The following FAF1 variants were observed in gnomAD, a reference collection of about 807,000 sequenced individuals.
FAF1 encodes the protein Fas associated factor 1, also known as FAS-associated factor 1.
A neutral mutation model predicts 92.5 loss-of-function variants in FAF1; 25 were observed. The ratio of observed to expected loss-of-function variants is 0.27; its 90% CI spans 0.20 to 0.38. FAF1 has a LOEUF of 0.38. FAF1 is among the 10% of genes least tolerant of loss of function. The pLI is 1.00. For missense variants in FAF1, 636 were observed against 793.3 expected, an observed-to-expected ratio of 0.80 and a Z score of 2.38; for synonymous variants, 234 against 273.2, an observed-to-expected ratio of 0.86 and a Z score of 1.42.
chr1:50,682,557 A>G (rs1656470734), intron 7 of FAF1, among the ~76,000 whole-genome samples: 1 of 152,160 alleles, frequency 6.6e-6, no homozygotes, highest in South Asian at 2.1e-4. Flanking sequence ...TATTAAACCT[A>G]TTGTTTAAAA....
In FAF1 at chr1:50,438,439, A is replaced by G. The variant is rs1327645929; in HGVS notation, c.*3001T>C. The G allele has an allele frequency of 6.6e-6, 1 of 152,254 alleles. No individual in the cohort carries two copies. The highest frequency in any genetic ancestry group is 2.4e-5 in the African/African-American group (1 of 41,446). The allele number at this position is 152,254 out of a possible 1,614,324, so 9.4% of individuals were successfully genotyped here. On this transcript the variant is annotated 3_prime_UTR_variant, in exon 19 of 19. Transcript: ENST00000396153. ...TCTAAGAATTTTAAAAAGGATCAAAAGAGAAAATACAGGTGAAAGGGTTAC... is the reference window on the plus strand; with the variant it reads ...TCTAAGAATTTTAAAAAGGATCAAAGGAGAAAATACAGGTGAAAGGGTTAC...
At chr1:50,771,141 C>T (rs537317444) in intron 4 of FAF1, among the ~76,000 whole-genome samples, 1 of 152,164 alleles carries the variant, frequency 6.6e-6, no homozygotes, top group African/African-American at 2.4e-5. Flanking sequence ...CCTAAAACTA[C>T]AAAAACCCTA....
chr1:50,948,888 G>C (rs1645192705), intron 1 of FAF1, among the ~76,000 whole-genome samples: 1 of 152,052 alleles, frequency 6.6e-6, no homozygotes, highest in Non-Finnish European at 1.5e-5. Flanking sequence ...TCATCACCAA[G>C]GGGATGGTGC....
intron 2 of FAF1, among the ~76,000 whole-genome samples, chr1:50,836,951 C>CTTTTT (rs528322924): frequency 2.9e-3 from 225 of 76,676 alleles, no homozygotes; most frequent in Middle Eastern, 0.015. Context: ...TGTTATGTTT[C>CTTTTT]TTTTTTTTTT....
intron 8 of FAF1, among the ~76,000 whole-genome samples, chr1:50,653,635 G>T (rs1239573524): frequency 2.0e-5 from 3 of 152,138 alleles, no homozygotes; most frequent in Non-Finnish European, 4.4e-5. Context: ...GGAGGCCGAG[G>T]CAGGCTGGTC....
chr1:50,779,896 C>T (rs959416764), intron 4 of FAF1, among the ~76,000 whole-genome samples: 2 of 151,034 alleles, frequency 1.3e-5, no homozygotes, highest in Non-Finnish European at 2.9e-5. Context: ...CAGCCTGGGC[C>T]GCTTAGTGAG....
intron 6 of FAF1, among the ~76,000 whole-genome samples, chr1:50,726,070 T>G (rs535861322): frequency 9.2e-5 from 14 of 151,634 alleles, no homozygotes; most frequent in African/African-American, 3.4e-4. Flanking sequence ...CTGGCCAAGA[T>G]GGTGAAACCC....
At chr1:50,582,903 G>A (rs1651055794) in intron 11 of FAF1, among the ~76,000 whole-genome samples, 2 of 151,948 alleles carry the variant, frequency 1.3e-5, no homozygotes, top group South Asian at 4.2e-4. Context: ...TAAAATACTG[G>A]AATTTTAAGT....
At chr1:50,622,945 G>A (rs755809664) in intron 8 of FAF1, among the ~76,000 whole-genome samples, 1 of 152,122 alleles carries the variant, frequency 6.6e-6, no homozygotes, top group East Asian at 1.9e-4. Context: ...CTTCCTCTAG[G>A]ACCTGATTCT....
At chr1:50,535,575 TA>T (rs1648432814) in intron 14 of FAF1, 118 bp from the exon 15 acceptor site, 2 of 550,830 alleles carry the variant, frequency 3.6e-6, no homozygotes, top group South Asian at 3.4e-5. Flanking sequence ...ATAATCAGTC[TA>T]AAAAAATTAC....
At chr1:50,710,706 G>A (rs777787103) in intron 6 of FAF1, among the ~76,000 whole-genome samples, 13 of 148,796 alleles carry the variant, frequency 8.7e-5, no homozygotes, top group Non-Finnish European at 1.8e-4. Flanking sequence ...GGGTTCAAGC[G>A]ATTCTCCTGC....
At chr1:50,846,943 T>C (rs191391491) in intron 2 of FAF1, 2 of 261,014 alleles carry the variant, frequency 7.7e-6, no homozygotes, top group African/African-American at 4.6e-5. Context: ...TATATAAGAG[T>C]GTATTGCAGG....
chr1:50,450,541 C>T (rs1345668535), intron 18 of FAF1, among the ~76,000 whole-genome samples: 1 of 152,224 alleles, frequency 6.6e-6, no homozygotes, highest in African/African-American at 2.4e-5. Flanking sequence ...CTGCACTCTG[C>T]TGCTATGTCA....
chr1:50,464,783 C>G (rs145418394), intron 18 of FAF1, among the ~76,000 whole-genome samples: 1 of 152,176 alleles, frequency 6.6e-6, no homozygotes, highest in Non-Finnish European at 1.5e-5. Flanking sequence ...ATTATCCTCA[C>G]TTGAAAGATG....
At chr1:50,677,895 C>CAAAAAAAA (rs1036524797) in intron 7 of FAF1, among the ~76,000 whole-genome samples, 2 of 62,544 alleles carry the variant, frequency 3.2e-5, no homozygotes, top group Non-Finnish European at 6.4e-5. Flanking sequence ...AACTCTGCCT[C>CAAAAAAAA]AAAAAAAAAA....
intron 15 of FAF1, among the ~76,000 whole-genome samples, chr1:50,500,587 A>T (rs1646972015): frequency 6.6e-6 from 1 of 152,182 alleles, no homozygotes; most frequent in Non-Finnish European, 1.5e-5. Flanking sequence ...CATAGGAGAA[A>T]ATAGTGACCT....
chr1:50,751,279 C>A (rs1408849370), intron 4 of FAF1, among the ~76,000 whole-genome samples: 1 of 151,964 alleles, frequency 6.6e-6, no homozygotes, highest in African/African-American at 2.4e-5. Context: ...TATTTCCCTC[C>A]TACGATCAAG....
intron 13 of FAF1, among the ~76,000 whole-genome samples, chr1:50,545,902 C>T (rs1448211926): frequency 1.3e-5 from 2 of 152,218 alleles, no homozygotes; most frequent in African/African-American, 4.8e-5. Flanking sequence ...GTAGCTCACA[C>T]CAGTAATCCC....
chr1:50,568,644 T>A (rs772865302), intron 12 of FAF1, among the ~76,000 whole-genome samples: 1 of 152,146 alleles, frequency 6.6e-6, no homozygotes, highest in Non-Finnish European at 1.5e-5. Flanking sequence ...CATTAGCATA[T>A]GAGGAAACTG....
Sources: allele counts gnomAD v4.1 joint callset (sites outside exome capture counted in the v4.1 genomes callset), GRCh38; gene constraint gnomAD v4.1.1; transcripts MANE v1.5; gene names NCBI Gene and HGNC (gene_info 2026-07-23, HGNC 2026-07-21).